SORBS2: variants seen among roughly 807,000 people sequenced by gnomAD.
SORBS2 encodes the protein sorbin and SH3 domain containing 2, also known as sorbin and SH3 domain-containing protein 2.
In SORBS2, 46 loss-of-function variants were observed where a neutral mutation model predicts 97.7. That is an observed-to-expected ratio of 0.47 (90% CI 0.37 to 0.60). The LOEUF (loss-of-function observed/expected upper bound fraction) is 0.60. Among genes scored for constraint, SORBS2 ranks in the 20% least tolerant of loss-of-function variants. SORBS2 has a pLI of 0.00. For missense variants in SORBS2, 1,316 were observed against 1,282.3 expected (o/e 1.03, Z -0.40); for synonymous variants, 476 against 473.4 (o/e 1.01, Z -0.07).
At chr4:185,890,691 T>C (rs1208151127) in intron 1 of SORBS2, among the ~76,000 whole-genome samples, 1 of 152,158 alleles carries the variant, frequency 6.6e-6, no homozygotes, top group Non-Finnish European at 1.5e-5. Context: ...AACAGCACAG[T>C]GTGTGTTTCT....
chr4:185,748,663 G>C (rs111630494), intron 2 of SORBS2, among the ~76,000 whole-genome samples: 1 of 152,258 alleles, frequency 6.6e-6, no homozygotes, highest in African/African-American at 2.4e-5. Context: ...GAATAAATAA[G>C]GTTGATATGT....
exon 7 of SORBS2, chr4:185,624,376 G>C (rs1296394259): frequency 6.2e-7 from 1 of 1,614,188 alleles, no homozygotes; most frequent in Non-Finnish European, 8.5e-7. Context: ...CTCTTGGTGA[G>C]TCCCGAGGGA....
chr4:185,677,584 G>A (rs2097807910), intron 4 of SORBS2: 2 of 1,539,356 alleles, frequency 1.3e-6, no homozygotes, highest in Admixed American at 2.0e-5. Flanking sequence ...CCCTTTGTGT[G>A]ACTGGTTATC....
intron 1 of SORBS2, among the ~76,000 whole-genome samples, chr4:185,804,197 G>A (rs1031464329): frequency 2.6e-5 from 4 of 152,190 alleles, no homozygotes; most frequent in Admixed American, 2.6e-4. Context: ...GACCAGATCA[G>A]TTTTCTCCTG....
intron 1 of SORBS2, among the ~76,000 whole-genome samples, chr4:185,929,909 G>A (rs1182123289): frequency 1.3e-5 from 2 of 151,796 alleles, no homozygotes; most frequent in Non-Finnish European, 3.0e-5. Flanking sequence ...GCTATTGACG[G>A]GGATGAACTT....
chr4:185,723,573 G>A (rs1368250886), intron 2 of SORBS2, among the ~76,000 whole-genome samples: 1 of 152,214 alleles, frequency 6.6e-6, no homozygotes, highest in African/African-American at 2.4e-5. Flanking sequence ...AGTAGTCTGA[G>A]TCTTATTCTA....
chr4:185,812,783 C>A (rs2099189017), intron 1 of SORBS2, among the ~76,000 whole-genome samples: 1 of 152,124 alleles, frequency 6.6e-6, no homozygotes, highest in South Asian at 2.1e-4. Context: ...CTCAACTTAT[C>A]TGATTACTTT....
intron 1 of SORBS2, among the ~76,000 whole-genome samples, chr4:185,836,596 C>T (rs1436902275): frequency 6.7e-6 from 1 of 148,930 alleles, no homozygotes; most frequent in African/African-American, 2.5e-5. Context: ...TGAATTTTAT[C>T]CCCGTGTCAC....
chr4:185,812,260 T>C (rs1585227060), intron 1 of SORBS2, 66 bp from the exon 1 acceptor site: 1 of 152,208 alleles, frequency 6.6e-6, no homozygotes, highest in South Asian at 2.1e-4. Flanking sequence ...GCTCATTGGG[T>C]TCCACTGGCT....
intron 2 of SORBS2, among the ~76,000 whole-genome samples, chr4:185,740,684 CTAACTCAGCCCAACAT>C (rs1352876288): frequency 1.5e-4 from 23 of 151,948 alleles, no homozygotes; most frequent in East Asian, 5.8e-4. Flanking sequence ...CAGCCCAACA[CTAACTCAGCCCAACAT>C]TAACTCAGCC....
exon 3 of SORBS2, chr4:185,649,519 C>A: frequency 6.2e-7 from 1 of 1,602,732 alleles, no homozygotes; most frequent in Non-Finnish European, 8.5e-7. Flanking sequence ...GGAGGTGGAA[C>A]ATGTGGGGGA....
intron 2 of SORBS2, among the ~76,000 whole-genome samples, chr4:185,702,720 G>T (rs2098282062): frequency 6.6e-6 from 1 of 151,794 alleles, no homozygotes; most frequent in African/African-American, 2.4e-5. Context: ...GGGAAGGTAT[G>T]CTTGGGCAAA....
intron 1 of SORBS2, among the ~76,000 whole-genome samples, chr4:185,776,950 T>C (rs2099003172): frequency 6.6e-6 from 1 of 150,882 alleles, no homozygotes; most frequent in African/African-American, 2.4e-5. Context: ...AATGTGAGGG[T>C]TGGTTGCTAG....
At chr4:185,712,881 A>G (rs753586511) in intron 2 of SORBS2, among the ~76,000 whole-genome samples, 2 of 151,910 alleles carry the variant, frequency 1.3e-5, no homozygotes, top group Non-Finnish European at 2.9e-5. Flanking sequence ...TCTCTTTAAA[A>G]TCTCTCCAGA....
upstream of SORBS2, among the ~76,000 whole-genome samples, chr4:185,659,665 C>G (rs977929906): frequency 2.6e-5 from 4 of 152,128 alleles, no homozygotes; most frequent in African/African-American, 9.7e-5. Flanking sequence ...TCGTGATCCA[C>G]CCGCCTCGGC....
chr4:185,905,367 T>C (rs1189579322), intron 1 of SORBS2, among the ~76,000 whole-genome samples: 2 of 152,196 alleles, frequency 1.3e-5, no homozygotes, highest in Non-Finnish European at 2.9e-5. Flanking sequence ...AAATATACTA[T>C]TTATGGTAGT....
At chr4:185,608,337 A>G (rs1239830514) in intron 12 of SORBS2, among the ~76,000 whole-genome samples, 1 of 152,236 alleles carries the variant, frequency 6.6e-6, no homozygotes, top group Non-Finnish European at 1.5e-5. Flanking sequence ...CTGAGCTTAC[A>G]TAACTACGGC....
intron 2 of SORBS2, among the ~76,000 whole-genome samples, chr4:185,717,992 A>G (rs7694063): frequency 0.92 from 139,972 of 152,288 alleles, 64,359 homozygotes; most frequent in African/African-American, 0.96. Flanking sequence ...TGCAACCCCG[A>G]CACTTTGGGA....
At chr4:185,728,641 G>A (rs10014865) in intron 2 of SORBS2, among the ~76,000 whole-genome samples, 60,874 of 152,052 alleles carry the variant, frequency 0.4, 12,338 homozygotes, top group African/African-American at 0.46. Context: ...TATTTTAATC[G>A]GAGTCGTTCC....
Sources: allele counts gnomAD v4.1 joint callset (sites outside exome capture counted in the v4.1 genomes callset), GRCh38; gene constraint gnomAD v4.1.1; transcripts MANE v1.5; gene names NCBI Gene and HGNC (gene_info 2026-07-23, HGNC 2026-07-21).